The following NIN variants were observed in gnomAD, a reference collection of about 807,000 sequenced individuals.
NIN encodes ninein.
NIN carries 137 observed loss-of-function variants against 257.6 expected under a neutral mutation model. The observed-to-expected ratio is 0.53, with a 90% CI of 0.46 to 0.61. The LOEUF (loss-of-function observed/expected upper bound fraction) is 0.61, where lower values mean the gene tolerates loss of function less well. Among genes scored for constraint, NIN ranks in the 20% least tolerant of loss-of-function variants. The pLI, the probability that NIN is intolerant of heterozygous loss-of-function variation, is 0.00. For synonymous variants in NIN, 918 were observed against 919.8 expected (o/e 1.00, Z 0.04); for missense variants, 2,439 against 2,501.2 (o/e 0.98, Z 0.53).
Position 50,723,608 on chromosome 14 carries a change from A to G in NIN, c.6257T>C (p.Leu2086Ser), listed in dbSNP as rs1173233828. Residue 2086 changes from leucine to serine, a missense_variant, in exon 31 of 31, where the codon TTG (leucine) becomes TCG (serine). By Grantham distance (145) the Leu-to-Ser change is moderately radical. Around this residue, in one of 3 missense-constraint regions of NIN, gnomAD observed 2,043 missense variants for 2,050.2 expected, o/e 1.00. Transcript: ENST00000530997. ...CTGTTCAGTCACTTCCAGAGCTTTC[A>G]ACAACTGGGCATTTTCAACATACAA... The part of the protein sequence containing the change: ...KDLYVENAQL[L>S]KALEVTEQRQ... 8 of 1,613,734 alleles carry G rather than the reference A, an allele frequency of 5.0e-6. No homozygotes were observed. The highest frequency in any genetic ancestry group is 6.8e-6 in the Non-Finnish European group (8 of 1,179,838).
chr14:50,774,411 G>T (rs2042843699), intron 7 of NIN, among the ~76,000 whole-genome samples: 1 of 151,948 alleles, frequency 6.6e-6, no homozygotes, highest in African/African-American at 2.4e-5. Flanking sequence ...TTCCATTCTT[G>T]CTTTCATACG....
Position 50,720,482 on chromosome 14 carries a change from A to AG in NIN, c.*2980_*2981insC, listed in dbSNP as rs1313356709. The AG allele has an allele frequency of 1.4e-5, 3 of 209,544 alleles. No individual in the cohort carries two copies. The highest frequency in any genetic ancestry group is 1.4e-4 in the East Asian group (2 of 13,824). The allele number at this position is 209,544 out of a possible 1,614,324, so 13.0% of individuals were successfully genotyped here. ...GTTTCTCATAATATCTGCCCTGGGT[A>AG]ATAGTGCATTATTAAAATACTAGAC... On this transcript the variant is annotated 3_prime_UTR_variant, in exon 31 of 31. Transcript: ENST00000530997.
intron 28 of NIN, among the ~76,000 whole-genome samples, chr14:50,733,489 T>C (rs1046252751): frequency 1.3e-5 from 2 of 152,204 alleles, no homozygotes; most frequent in Non-Finnish European, 2.9e-5. Context: ...GCTTTTTCCT[T>C]AGCTGTTCGG....
intron 4 of NIN, among the ~76,000 whole-genome samples, chr14:50,802,665 T>C (rs1370842984): frequency 6.6e-6 from 1 of 152,198 alleles, no homozygotes; most frequent in Non-Finnish European, 1.5e-5. Flanking sequence ...GTCATTTAGA[T>C]ATTAGGAGGC....
intron 7 of NIN, among the ~76,000 whole-genome samples, chr14:50,775,312 C>G (rs1287747448): frequency 6.6e-6 from 1 of 152,114 alleles, no homozygotes; most frequent in African/African-American, 2.4e-5. Context: ...GCATCTCTGC[C>G]CTGTCATTGT....
At chr14:50,797,793 A>C (rs180981114) in intron 4 of NIN, among the ~76,000 whole-genome samples, 1 of 152,244 alleles carries the variant, frequency 6.6e-6, no homozygotes, top group African/African-American at 2.4e-5. Context: ...TGAGACAGAG[A>C]CTGAGACCAA....
chr14:50,757,458 G>T lies in NIN; in HGVS notation c.3572C>A (p.Thr1191Asn), dbSNP rs1346339068. The T allele has an allele frequency of 3.7e-6, 6 of 1,614,048 alleles. No individual in the cohort carries two copies. Among genetic ancestry groups the T allele is most frequent in the Non-Finnish European group, 5.1e-6 (6 of 1,179,966 alleles). ...SELENSEETR[T>N]ESWELKNQIS... Reference sequence around the variant, plus strand: ...CTGATTCTTCAGCTCCCAGGATTCAGTCCTGGTCTCTTCACTGTTTTCAAG... The same window carrying T: ...CTGATTCTTCAGCTCCCAGGATTCATTCCTGGTCTCTTCACTGTTTTCAAG... Residue 1191 changes from threonine to asparagine, a missense_variant, in exon 18 of 31, where the codon ACT becomes AAT. Physicochemically the swap from Thr to Asn is moderately conservative, Grantham distance 65. This residue lies in a region of NIN where 2,043 missense variants were observed against 2,050.2 expected (regional missense o/e 1.00). Coordinates refer to ENST00000530997, the MANE Select transcript of NIN (RefSeq NM_020921.4).
In NIN at chr14:50,777,106, T is replaced by C. The variant is rs774126082; in HGVS notation, c.509A>G (p.Asn170Ser). The C allele has an allele frequency of 2.5e-6, 4 of 1,613,014 alleles. No homozygotes were observed. Among genetic ancestry groups the C allele is most frequent in the African/African-American group, 1.3e-5 (1 of 74,908 alleles). Residue 170 changes from asparagine (N) to serine (S), a missense_variant, in exon 7 of 31, where the codon AAT becomes AGT. Around this residue, in one of 3 missense-constraint regions of NIN, gnomAD observed 387 missense variants for 427.3 expected, o/e 0.91. Transcript: ENST00000530997. ...AGGGGAAGATCCACTCTGTGAAGCA[T>C]TCAAGTCATCTGGGTTCCAAAACCT... ...QLRFWNPDDL[N>S]ASQSGSSPPQ...
At chr14:50,744,853 G>A (rs1442549061) in intron 22 of NIN, among the ~76,000 whole-genome samples, 1 of 152,146 alleles carries the variant, frequency 6.6e-6, no homozygotes, top group Non-Finnish European at 1.5e-5. Flanking sequence ...AGAATCGCTT[G>A]AACCTGGGAG....
chr14:50,780,210 G>A (rs919197718), intron 5 of NIN, among the ~76,000 whole-genome samples: 1 of 152,168 alleles, frequency 6.6e-6, no homozygotes, highest in Non-Finnish European at 1.5e-5. Flanking sequence ...TGTTATGGGG[G>A]GTTACTACAA....
rs949414080 is a variant in NIN, at chr14:50,756,577, C to T, written c.4453G>A (p.Gly1485Arg). The T allele has an allele frequency of 1.2e-5, 19 of 1,610,836 alleles. No homozygotes were observed. Among genetic ancestry groups the T allele is most frequent in the African/African-American group, 2.7e-5 (2 of 74,986 alleles). Residue 1485 changes from glycine (G) to arginine (R), a missense_variant, in exon 18 of 31, where the codon GGA becomes AGA. By Grantham distance (125) the Gly-to-Arg change is moderately radical. This residue lies in a region of NIN where 2,043 missense variants were observed against 2,050.2 expected (regional missense o/e 1.00). Transcript: ENST00000530997. ...LVKQKDVLSH[G>R]EKEEELKAMM... ...GCCTTCAGCTCTTCCTCCTTTTCTC[C>T]GTGAGAAAGTACATCTTTTTGCTTA...
At chr14:50,761,186 A>G (rs1217408804) in intron 16 of NIN, among the ~76,000 whole-genome samples, 8 of 152,228 alleles carry the variant, frequency 5.3e-5, no homozygotes, top group Non-Finnish European at 1.2e-4. Context: ...GGAGGGAAAA[A>G]AATCACATTT....
chr14:50,779,509 A>G (rs1234590590), intron 5 of NIN, among the ~76,000 whole-genome samples: 3 of 152,188 alleles, frequency 2.0e-5, no homozygotes, highest in Admixed American at 2.0e-4. Flanking sequence ...CTGTAATCCC[A>G]GCACTTTGGG....
intron 4 of NIN, chr14:50,794,529 G>A (rs1276332179): frequency 1.2e-5 from 12 of 979,980 alleles, no homozygotes; most frequent in South Asian, 4.8e-5. Context: ...ACAGATGCTA[G>A]TCAGATAAGA....
At chr14:50,730,832 T>G in intron 28 of NIN, 1 of 1,024,418 alleles carries the variant, frequency 9.8e-7, no homozygotes, top group Non-Finnish European at 1.3e-6. Flanking sequence ...TAAGTACTTA[T>G]TAACTGTTAC....
intron 18 of NIN, among the ~76,000 whole-genome samples, chr14:50,755,210 C>G (rs922363159): frequency 6.6e-5 from 10 of 152,320 alleles, no homozygotes; most frequent in African/African-American, 2.4e-4. Flanking sequence ...TCAAGTCCTA[C>G]CTGTTCTGAA....
rs917105136 is a variant in NIN, at chr14:50,794,209, A to G, written c.266-1328T>C. ...CCCGCCATGTCCTTCCCTCTGGGAC[A>G]AGCTCGGATTTCACTATCTTCACAA... On this transcript the variant is annotated intron_variant, in intron 4 of 30. Transcript: ENST00000530997. 6.6e-5 allele frequency among the ~76,000 whole-genome samples: 10 copies of G among 152,336 alleles called. No homozygotes were observed. The South Asian group carries it at 1.9e-3, about 28-fold the overall frequency.
chr14:50,727,224 A>C (rs1464683202), intron 29 of NIN: 2 of 934,232 alleles, frequency 2.1e-6, no homozygotes, highest in Non-Finnish European at 2.6e-6. Flanking sequence ...GGAAAAACAA[A>C]GGCAGTCATA....
chr14:50,777,005 G>A lies in NIN; in HGVS notation c.610C>T (p.Arg204Trp), dbSNP rs202212439. Reference protein sequence around the residue: ...LGITRDGHLNRKKLVSICEQY... With the variant: ...LGITRDGHLNWKKLVSICEQY... ...TCACAGATGGAGACCAGCTTCTTCC[G>A]GTTCAGGTGACCATCACGGGTGATC... The change falls in exon 7 of 31, where the codon CGG (arginine) becomes TGG (tryptophan). Residue 204 changes from arginine to tryptophan, a missense_variant. Around this residue, in one of 3 missense-constraint regions of NIN, gnomAD observed 387 missense variants for 427.3 expected, o/e 0.91. Transcript: ENST00000530997. The A allele has an allele frequency of 5.6e-6, 9 of 1,614,176 alleles. No homozygotes were observed. The highest frequency in any genetic ancestry group is 7.6e-6 in the Non-Finnish European group (9 of 1,180,038).
Sources: allele counts gnomAD v4.1 joint callset (sites outside exome capture counted in the v4.1 genomes callset), GRCh38; gene constraint gnomAD v4.1.1; regional missense constraint gnomAD v4.1.1; transcripts MANE v1.5; gene names NCBI Gene and HGNC (gene_info 2026-07-23, HGNC 2026-07-21).